RGSL1: variants seen among roughly 807,000 people sequenced by gnomAD.
The protein encoded by RGSL1 is regulator of G protein signaling like 1.
Under a neutral mutation model 124.7 loss-of-function variants are expected in RGSL1, and 97 were observed. The ratio of observed to expected loss-of-function variants is 0.78; its 90% CI spans 0.66 to 0.92. The LOEUF is 0.92. Ranked by LOEUF, RGSL1 falls within the 40% of genes least tolerant of loss-of-function variation. The probability of loss-of-function intolerance (pLI) is 0.00; values close to 1 mark genes in which losing one functional copy is unlikely to be tolerated. For synonymous variants in RGSL1, 424 were observed against 438.1 expected, an observed-to-expected ratio of 0.97 and a Z score of 0.40; for missense variants, 1,233 against 1,288.4, an observed-to-expected ratio of 0.96 and a Z score of 0.66.
At chr1:182,527,856 G>A in intron 11 of RGSL1, 84 bp downstream of exon 11, 6 of 1,197,392 alleles carry the variant, frequency 5.0e-6, no homozygotes, top group Non-Finnish European at 5.8e-6. Flanking sequence ...CCTCATGTGA[G>A]CCCCCAGAGA....
intron 4 of RGSL1, among the ~76,000 whole-genome samples, chr1:182,471,812 G>A (rs1653866871): frequency 1.3e-5 from 2 of 152,150 alleles, no homozygotes; most frequent in Admixed American, 1.3e-4. Context: ...CTGGGAGGCT[G>A]GTAGCTGGCC....
At chr1:182,454,380 C>T (rs1571454486) in intron 2 of RGSL1, among the ~76,000 whole-genome samples, 1 of 152,188 alleles carries the variant, frequency 6.6e-6, no homozygotes, top group Non-Finnish European at 1.5e-5. Context: ...CATTCCCCCA[C>T]CTCTGAACCT....
chr1:182,536,923 A>G (rs920229852), intron 14 of RGSL1, among the ~76,000 whole-genome samples: 1 of 152,210 alleles, frequency 6.6e-6, no homozygotes, highest in African/African-American at 2.4e-5. Flanking sequence ...CAGCCAAACC[A>G]TATAATTTGC....
chr1:182,494,252 A>C (rs536840987), intron 9 of RGSL1, among the ~76,000 whole-genome samples: 1 of 152,188 alleles, frequency 6.6e-6, no homozygotes, highest in Admixed American at 6.5e-5. Flanking sequence ...CAATTACCCT[A>C]TCAGTACAGT....
intron 14 of RGSL1, among the ~76,000 whole-genome samples, chr1:182,538,400 C>T (rs777714643): frequency 1.3e-4 from 19 of 151,890 alleles, no homozygotes; most frequent in South Asian, 4.2e-4. Flanking sequence ...TGGTGGCACA[C>T]GCCTGTAATC....
chr1:182,532,838 C>A, intron 14 of RGSL1, 47 bp downstream of exon 14: 1 of 1,523,888 alleles, frequency 6.6e-7, no homozygotes, highest in African/African-American at 1.4e-5. Flanking sequence ...ATATTTTAGC[C>A]ATGAGGGTCA....
At chr1:182,473,496 A>C in intron 5 of RGSL1, 79 bp from the exon 6 acceptor site, 1 of 1,428,166 alleles carries the variant, frequency 7.0e-7, no homozygotes, top group Admixed American at 2.9e-5. Context: ...ATTTGAAAAA[A>C]ATTAAAAACC....
intron 5 of RGSL1, 184 bp downstream of exon 5, chr1:182,472,741 C>T: frequency 3.6e-6 from 2 of 552,156 alleles, no homozygotes; most frequent in Admixed American, 3.5e-5. Flanking sequence ...TGTCCTTAAG[C>T]TGGCACTTGC....
At chr1:182,505,641 A>G (rs964949020) in intron 9 of RGSL1, among the ~76,000 whole-genome samples, 2 of 152,048 alleles carry the variant, frequency 1.3e-5, no homozygotes, top group Admixed American at 1.3e-4. Flanking sequence ...ATATTCCTCC[A>G]TTTATTCATG....
At position 182,556,224 on chromosome 1, in the gene RGSL1, T is replaced by G. The variant is rs1021994390; in HGVS notation, c.*165+2T>G. On this transcript the variant is annotated splice_donor_variant, in intron 21 of 21. Transcript: ENST00000294854. LOFTEE classifies it low-confidence loss of function (3UTR_SPLICE). The stretch of plus-strand genomic sequence containing the variant: ...TATGGCAGGACCAGACTGCAATGGG[T>G]AAGACTTGGGCAGAGCATGAGAGGA... 3.0e-6 allele frequency: 2 copies of G among 656,172 alleles called. No individual in the cohort carries two copies. The highest frequency in any genetic ancestry group is 2.6e-6 in the Non-Finnish European group (1 of 377,412). The allele number at this position is 656,172 out of a possible 1,614,324, so 40.6% of individuals were successfully genotyped here.
rs1356362793 is a variant in RGSL1 at position 182,527,569 on chromosome 1, TG to T, written c.1932-9del. 1 of 1,537,060 alleles carries T rather than the reference TG, an allele frequency of 6.5e-7. No individual in the cohort carries two copies. Among genetic ancestry groups the T allele is most frequent in the South Asian group, 1.2e-5 (1 of 81,154 alleles). On this transcript the variant is annotated splice_polypyrimidine_tract_variant and intron_variant, in intron 10 of 21. Transcript: ENST00000294854. The stretch of plus-strand genomic sequence containing the variant: ...TTTCTCTCTACCAAAGATGCTTTCT[TG>T]TTTTCCAGAAACTTGACAGAAGTCC...
At position 182,489,207 on chromosome 1, in the gene RGSL1, G is replaced by A. The variant is rs1293990660; in HGVS notation, c.1717+5G>A. ...CATCTCCAGTGTTTCTAACAGGTCA[G>A]AGCAGTCACTGTAATTTTTTTGACC... is the stretch of plus-strand genomic sequence containing the variant. On this transcript the variant is annotated splice_donor_5th_base_variant and intron_variant, in intron 8 of 21. Coordinates refer to ENST00000294854, the MANE Select transcript of RGSL1 (RefSeq NM_001137669.2). 2 of 1,548,052 alleles carry A rather than the reference G, an allele frequency of 1.3e-6. No homozygotes were observed. The highest frequency in any genetic ancestry group is 2.4e-5 in the South Asian group (2 of 83,094).
intron 3 of RGSL1, 68 bp from the exon 4 acceptor site, chr1:182,459,936 C>A: frequency 6.6e-7 from 1 of 1,515,864 alleles, no homozygotes; most frequent in Non-Finnish European, 8.9e-7. Flanking sequence ...TTGCCACTTA[C>A]TAAGTTGTAT....
chr1:182,536,089 A>G (rs2102285559), intron 14 of RGSL1, among the ~76,000 whole-genome samples: 1 of 152,298 alleles, frequency 6.6e-6, no homozygotes, highest in South Asian at 2.1e-4. Context: ...TTTACATAGC[A>G]TGATGCTTTT....
upstream of RGSL1, chr1:182,449,197 G>C (rs1651646119): frequency 1.3e-5 from 2 of 152,114 alleles, no homozygotes; most frequent in Admixed American, 1.3e-4. Flanking sequence ...GCAATACATA[G>C]AACATCAAGA....
intron 1 of RGSL1, chr1:182,450,381 G>T: frequency 1.6e-6 from 1 of 624,284 alleles, no homozygotes; most frequent in East Asian, 2.8e-5. Context: ...GATAGTACAG[G>T]GCCTTATTCA....
At chr1:182,498,262 C>CACCA (rs1656077810) in intron 9 of RGSL1, among the ~76,000 whole-genome samples, 1 of 151,602 alleles carries the variant, frequency 6.6e-6, no homozygotes. Flanking sequence ...TTCAAGCTGG[C>CACCA]TTATGTCTCG....
At chr1:182,531,431 G>GA in intron 13 of RGSL1, among the ~76,000 whole-genome samples, 1 of 152,242 alleles carries the variant, frequency 6.6e-6, no homozygotes, top group South Asian at 2.1e-4. Context: ...TGTTACTCAG[G>GA]AAAGTCTCTA....
At chr1:182,549,260 C>T (rs1660415482) in intron 17 of RGSL1, 2 of 161,628 alleles carry the variant, frequency 1.2e-5, no homozygotes, top group African/African-American at 4.8e-5. Flanking sequence ...CCAGAATTAC[C>T]ACTGAGGGAG....
Sources: gnomAD v4.1 joint callset for allele counts (sites outside exome capture counted in the v4.1 genomes callset) on GRCh38, gnomAD v4.1.1 for gene constraint, MANE v1.5 for transcripts, NCBI Gene and HGNC (gene_info 2026-07-23, HGNC 2026-07-21) for gene names.